KCNJ12: variants seen among roughly 807,000 people sequenced by gnomAD.
The protein encoded by KCNJ12 is ATP-sensitive inward rectifier potassium channel 12.
Under a neutral mutation model 22.3 loss-of-function variants are expected in KCNJ12, and 2 were observed. The observed-to-expected ratio is 0.09, with a 90% CI of 0.04 to 0.28. KCNJ12 has a LOEUF of 0.28. Ranked by LOEUF, KCNJ12 falls within the 10% of genes least tolerant of loss-of-function variation. The pLI, the probability that KCNJ12 is intolerant of heterozygous loss-of-function variation, is 1.00. For synonymous variants in KCNJ12, 117 were observed against 261.4 expected, an observed-to-expected ratio of 0.45 and a Z score of 5.33; for missense variants, 155 against 633.3, an observed-to-expected ratio of 0.24 and a Z score of 8.11.
intron 1 of KCNJ12, among the ~76,000 whole-genome samples, chr17:21,390,492 AG>A (rs1905183637): frequency 1.3e-5 from 2 of 152,184 alleles, no homozygotes; most frequent in African/African-American, 4.8e-5. Context: ...AGGAGCTGGG[AG>A]GATGTCCAAG....
chr17:21,411,411 G>A (rs1906340012), intron 2 of KCNJ12, among the ~76,000 whole-genome samples: 1 of 152,216 alleles, frequency 6.6e-6, no homozygotes, highest in Non-Finnish European at 1.5e-5. Context: ...TCTCCCCACT[G>A]CCTGCTCTCT....
chr17:21,387,441 A>AG (rs2144772768), intron 1 of KCNJ12, among the ~76,000 whole-genome samples: 1 of 95,814 alleles, frequency 1.0e-5, no homozygotes, highest in African/African-American at 9.9e-5. Context: ...ACTCTATCTC[A>AG]AAAAAAAAAA....
intron 1 of KCNJ12, among the ~76,000 whole-genome samples, chr17:21,390,764 C>T (rs1323312508): frequency 1.3e-5 from 2 of 152,138 alleles, no homozygotes; most frequent in Admixed American, 1.3e-4. Context: ...TTGTGTGTCT[C>T]CTCCCAATGT....
chr17:21,404,274 C>T (rs1905802566), intron 1 of KCNJ12, among the ~76,000 whole-genome samples: 1 of 152,300 alleles, frequency 6.6e-6, no homozygotes, highest in Non-Finnish European at 1.5e-5. Context: ...GTGCTCCTAG[C>T]TGTGTCACTG....
chr17:21,387,639 G>A lies in KCNJ12; in HGVS notation c.-179+10726G>A, dbSNP rs116595509. 4.7e-3 allele frequency among the ~76,000 whole-genome samples: 715 copies of A among 152,138 alleles called. 7 individuals are homozygous for A. The highest frequency in any genetic ancestry group is 0.017 in the African/African-American group (693 of 41,498). On this transcript the variant is annotated intron_variant, in intron 1 of 2. Transcript: ENST00000583088. ...TGGTCCTTCCCCTGTCGGAGGGTGTGGGAGATGACACCTTTTATTATTATG... is the reference window on the plus strand; with the variant it reads ...TGGTCCTTCCCCTGTCGGAGGGTGTAGGAGATGACACCTTTTATTATTATG...
intron 2 of KCNJ12, among the ~76,000 whole-genome samples, chr17:21,409,911 C>G (rs2139261): frequency 0.69 from 104,304 of 152,124 alleles, 36,050 homozygotes; most frequent in Middle Eastern, 0.75. Flanking sequence ...GGGTTAGCTT[C>G]GTGGACAGAG....
intron 2 of KCNJ12, among the ~76,000 whole-genome samples, chr17:21,409,025 C>G (rs1906155903): frequency 6.6e-6 from 1 of 152,312 alleles, no homozygotes; most frequent in Non-Finnish European, 1.5e-5. Flanking sequence ...TCTCCTCATC[C>G]ATCCCATTCA....
intron 1 of KCNJ12, among the ~76,000 whole-genome samples, chr17:21,386,701 T>C (rs1555558685): frequency 1.3e-5 from 2 of 151,856 alleles, no homozygotes; most frequent in African/African-American, 4.8e-5. Flanking sequence ...AGAGATGGGG[T>C]TTCACCATGC....
In KCNJ12 at chr17:21,418,314, C is replaced by T. The variant is rs782474738; in HGVS notation, c.*1670C>T. 5 of 166,524 alleles carry T rather than the reference C, an allele frequency of 3.0e-5. No individual in the cohort carries two copies. Among genetic ancestry groups the T allele is most frequent in the Admixed American group, 1.3e-4 (2 of 15,218 alleles). 10.3% of individuals were successfully genotyped at this position (166,524 alleles called of 1,614,324 possible). A position where few individuals can be genotyped will look rare whatever the true frequency, so the allele number is the denominator to read the frequency against. On this transcript the variant is annotated 3_prime_UTR_variant, in exon 3 of 3. Transcript: ENST00000583088. Reference sequence around the variant, plus strand: ...GACAGCTCAGAGCCAGAAGGCACCCCGAGACAGCTCAGAGCCAGAAGGCAC... The same window carrying T: ...GACAGCTCAGAGCCAGAAGGCACCCTGAGACAGCTCAGAGCCAGAAGGCAC...
At chr17:21,407,473 CTTCACTCACCCATCCACTCA>C (rs1906023477) in intron 1 of KCNJ12, among the ~76,000 whole-genome samples, 1 of 152,268 alleles carries the variant, frequency 6.6e-6, no homozygotes, top group Admixed American at 6.5e-5. Context: ...CCATTCACTT[CTTCACTCACCCATCCACTCA>C]TTCACTCACC....
chr17:21,396,825 C>T (rs933441788), intron 1 of KCNJ12, among the ~76,000 whole-genome samples: 1 of 152,220 alleles, frequency 6.6e-6, no homozygotes, highest in African/African-American at 2.4e-5. Context: ...GTGGCTATGG[C>T]CTCAGGTAGC....
chr17:21,396,886 C>T (rs1343405757), intron 1 of KCNJ12, among the ~76,000 whole-genome samples: 7 of 152,016 alleles, frequency 4.6e-5, no homozygotes, highest in African/African-American at 1.4e-4. Flanking sequence ...TGGATGCACG[C>T]AGGTGTTTGG....
At chr17:21,391,383 A>G (rs1555559291) in intron 1 of KCNJ12, among the ~76,000 whole-genome samples, 1 of 151,936 alleles carries the variant, frequency 6.6e-6, no homozygotes, top group Non-Finnish European at 1.5e-5. Context: ...ACTCCAGGGC[A>G]CCCTTCCTGT....
intron 1 of KCNJ12, among the ~76,000 whole-genome samples, chr17:21,404,442 C>T (rs1390231486): frequency 2.0e-5 from 3 of 152,260 alleles, no homozygotes; most frequent in Admixed American, 6.5e-5. Context: ...GACTTCTCAC[C>T]GTCTGCCCTG....
intron 1 of KCNJ12, among the ~76,000 whole-genome samples, chr17:21,402,611 C>A (rs1403582428): frequency 3.3e-5 from 5 of 152,308 alleles, no homozygotes; most frequent in African/African-American, 1.2e-4. Context: ...GTAGGGTGAA[C>A]CCCAGAGCCC....
At chr17:21,410,784 G>A (rs1906286312) in intron 2 of KCNJ12, among the ~76,000 whole-genome samples, 1 of 152,418 alleles carries the variant, frequency 6.6e-6, no homozygotes, top group African/African-American at 2.4e-5. Flanking sequence ...CTCCTGAAAG[G>A]CTGTGTAACC....
chr17:21,403,238 C>A (rs1457433629), intron 1 of KCNJ12, among the ~76,000 whole-genome samples: 1 of 152,306 alleles, frequency 6.6e-6, no homozygotes, highest in Non-Finnish European at 1.5e-5. Context: ...ACATTGGAAG[C>A]CCAACCCTAG....
At chr17:21,384,873 C>T (rs1439356396) in intron 1 of KCNJ12, among the ~76,000 whole-genome samples, 1 of 151,444 alleles carries the variant, frequency 6.6e-6, no homozygotes, top group African/African-American at 2.4e-5. Context: ...CCCGGGTTCA[C>T]GCCATTCTCC....
intron 1 of KCNJ12, among the ~76,000 whole-genome samples, chr17:21,383,476 G>A (rs1597553797): frequency 6.6e-6 from 1 of 152,218 alleles, no homozygotes; most frequent in Non-Finnish European, 1.5e-5. Flanking sequence ...GGAGGGCAGA[G>A]GCAGATGGAG....
Sources: gnomAD v4.1 joint callset for allele counts (sites outside exome capture counted in the v4.1 genomes callset) on GRCh38, gnomAD v4.1.1 for gene constraint, MANE v1.5 for transcripts, NCBI Gene and HGNC (gene_info 2026-07-23, HGNC 2026-07-21) for gene names.